MEOX2: variants seen among roughly 807,000 people sequenced by gnomAD.
MEOX2 encodes the protein homeobox protein MOX-2.
In MEOX2, 11 loss-of-function variants were observed where a neutral mutation model predicts 27.0. The observed-to-expected ratio is 0.41, with a 90% CI of 0.26 to 0.68. The LOEUF is 0.68. Ranked by LOEUF, MEOX2 falls within the 30% of genes least tolerant of loss-of-function variation. The pLI, the probability that MEOX2 is intolerant of heterozygous loss-of-function variation, is 0.33. For synonymous variants in MEOX2, 189 were observed against 155.4 expected, an observed-to-expected ratio of 1.22 and a Z score of -1.61; for missense variants, 436 against 385.4, an observed-to-expected ratio of 1.13 and a Z score of -1.10.
intron 1 of MEOX2, among the ~76,000 whole-genome samples, chr7:15,659,751 C>T (rs1309213807): frequency 1.7e-5 from 2 of 114,730 alleles, no homozygotes; most frequent in Admixed American, 2.2e-4. Context: ...CAGAGCGAGA[C>T]TGCTCTCAAA....
chr7:15,639,717 C>A (rs1283766935), intron 1 of MEOX2, among the ~76,000 whole-genome samples: 1 of 151,900 alleles, frequency 6.6e-6, no homozygotes, highest in Non-Finnish European at 1.5e-5. Flanking sequence ...TTATTAAAAA[C>A]GGTGTCTTTT....
chr7:15,660,501 T>G (rs1322743903), intron 1 of MEOX2, among the ~76,000 whole-genome samples: 1 of 152,152 alleles, frequency 6.6e-6, no homozygotes, highest in Non-Finnish European at 1.5e-5. Flanking sequence ...CACTGTCATT[T>G]GCATCGTAAG....
intron 1 of MEOX2, among the ~76,000 whole-genome samples, chr7:15,629,661 T>G (rs1331952675): frequency 6.6e-6 from 1 of 152,128 alleles, no homozygotes. Flanking sequence ...ACTTTTACCC[T>G]TGTAGTGTGG....
chr7:15,661,931 G>A (rs1781925206), intron 1 of MEOX2, among the ~76,000 whole-genome samples: 1 of 152,100 alleles, frequency 6.6e-6, no homozygotes. Flanking sequence ...ATTATGCAAT[G>A]GAGTCAAGTT....
chr7:15,667,467 T>C (rs193151343), intron 1 of MEOX2, among the ~76,000 whole-genome samples: 3 of 152,188 alleles, frequency 2.0e-5, no homozygotes, highest in African/African-American at 7.2e-5. Flanking sequence ...TTCCCTATTG[T>C]ACTGCGGACG....
chr7:15,641,023 G>T (rs1001904793), intron 1 of MEOX2, among the ~76,000 whole-genome samples: 2 of 151,996 alleles, frequency 1.3e-5, no homozygotes, highest in Non-Finnish European at 2.9e-5. Context: ...GCCATATTTT[G>T]ATATCGTGGT....
intron 1 of MEOX2, among the ~76,000 whole-genome samples, chr7:15,662,332 T>C (rs1781931078): frequency 6.6e-6 from 1 of 151,940 alleles, no homozygotes; most frequent in African/African-American, 2.4e-5. Flanking sequence ...CAGTTCTCCA[T>C]TTTCTTAAAC....
At chr7:15,667,113 A>T (rs1256331065) in intron 1 of MEOX2, among the ~76,000 whole-genome samples, 1 of 151,150 alleles carries the variant, frequency 6.6e-6, no homozygotes, top group Non-Finnish European at 1.5e-5. Flanking sequence ...AACAGGGTGA[A>T]ACCCCGTCTC....
chr7:15,629,520 G>T (rs562701832), intron 1 of MEOX2, among the ~76,000 whole-genome samples: 1 of 152,116 alleles, frequency 6.6e-6, no homozygotes, highest in South Asian at 2.1e-4. Context: ...ACCACACAAA[G>T]AACCATTGAA....
At chr7:15,626,292 G>T (rs1781304149) in intron 2 of MEOX2, among the ~76,000 whole-genome samples, 1 of 152,090 alleles carries the variant, frequency 6.6e-6, no homozygotes, top group Non-Finnish European at 1.5e-5. Flanking sequence ...GAGTGAGTAA[G>T]TAATGAACAT....
Position 15,685,954 on chromosome 7 carries a change from C to T in MEOX2, c.449G>A (p.Gly150Asp), listed in dbSNP as rs1782373935. The T allele has an allele frequency of 6.2e-7, 1 of 1,611,296 alleles. No individual in the cohort carries two copies. Among genetic ancestry groups the T allele is most frequent in the Non-Finnish European group, 8.5e-7 (1 of 1,179,566 alleles). ...CTCCGCAGGTGACAGTGCCTGGCGGCCGTAGTCCCCCGGCGCGCACGCGGC... is the reference window on the plus strand; with the variant it reads ...CTCCGCAGGTGACAGTGCCTGGCGGTCGTAGTCCCCCGGCGCGCACGCGGC... ...TGAACAPGDY[G>D]RQALSPAEAE... Residue 150 changes from glycine (G) to aspartate (D), a missense_variant, in exon 1 of 3, where the codon GGC becomes GAC. Physicochemically the swap from Gly to Asp is moderately conservative, Grantham distance 94. Coordinates refer to ENST00000262041, the MANE Select transcript of MEOX2 (RefSeq NM_005924.5).
intron 1 of MEOX2, among the ~76,000 whole-genome samples, chr7:15,653,193 C>T (rs1432872124): frequency 7.2e-6 from 1 of 138,650 alleles, no homozygotes; most frequent in Non-Finnish European, 1.6e-5. Flanking sequence ...TGTGTAGTGT[C>T]ATAACAGTGT....
At chr7:15,682,981 A>G (rs903719586) in intron 1 of MEOX2, among the ~76,000 whole-genome samples, 17 of 152,160 alleles carry the variant, frequency 1.1e-4, no homozygotes, top group African/African-American at 3.6e-4. Context: ...AACTTACATA[A>G]AGGAAGCCTA....
Position 15,663,772 on chromosome 7 carries a change from G to C in MEOX2, c.517+22114C>G, listed in dbSNP as rs528155386. Among the ~76,000 whole-genome samples, 4 of 152,320 alleles carry C rather than the reference G, an allele frequency of 2.6e-5. No individual in the cohort carries two copies. The East Asian group carries it at 5.8e-4, about 22-fold the overall frequency. ...GCACTGTGGCAGGCATTTAAAGAGAGAGATGGGCATAAGGCTGGCAGTAAG... is the reference window on the plus strand; with the variant it reads ...GCACTGTGGCAGGCATTTAAAGAGACAGATGGGCATAAGGCTGGCAGTAAG... On this transcript the variant is annotated intron_variant, in intron 1 of 2. Transcript: ENST00000262041.
At chr7:15,630,621 C>T (rs1781386116) in intron 1 of MEOX2, among the ~76,000 whole-genome samples, 2 of 151,984 alleles carry the variant, frequency 1.3e-5, no homozygotes, top group African/African-American at 2.4e-5. Flanking sequence ...TACTAAGCCT[C>T]AGCATATTGC....
chr7:15,686,482 A>G lies in MEOX2; in HGVS notation c.-80T>C. 7.8e-7 allele frequency: 1 copy of G among 1,285,936 alleles called. No individual in the cohort carries two copies. Among genetic ancestry groups the G allele is most frequent in the Non-Finnish European group, 1.0e-6 (1 of 963,398 alleles). The allele number at this position is 1,285,936 out of a possible 1,614,324, so 79.7% of individuals were successfully genotyped here. ...CCACCCTCTGTCACTTTTTCACTGG[A>G]AACCGTGTGATTTTTTTTTTAACCT... On this transcript the variant is annotated 5_prime_UTR_variant, in exon 1 of 3. Transcript: ENST00000262041.
chr7:15,638,552 T>C (rs1390114329), intron 1 of MEOX2, among the ~76,000 whole-genome samples: 1 of 152,108 alleles, frequency 6.6e-6, no homozygotes, highest in Admixed American at 6.6e-5. Flanking sequence ...CGTAGGTATA[T>C]TGCATAATCG....
intron 2 of MEOX2, among the ~76,000 whole-genome samples, chr7:15,618,275 A>G (rs1167721576): frequency 6.6e-6 from 1 of 152,086 alleles, no homozygotes; most frequent in Non-Finnish European, 1.5e-5. Context: ...TTTAAGTAAA[A>G]TATTGTTTAC....
intron 1 of MEOX2, among the ~76,000 whole-genome samples, chr7:15,627,563 G>A (rs1363508323): frequency 6.6e-6 from 1 of 151,872 alleles, no homozygotes; most frequent in Non-Finnish European, 1.5e-5. Context: ...TTTTAAATGT[G>A]TTTTTCATTA....
Sources: gnomAD v4.1 joint callset for allele counts (sites outside exome capture counted in the v4.1 genomes callset) on GRCh38, gnomAD v4.1.1 for gene constraint, MANE v1.5 for transcripts, NCBI Gene and HGNC (gene_info 2026-07-23, HGNC 2026-07-21) for gene names.